The following KALRN variants were observed in gnomAD, a reference collection of about 807,000 sequenced individuals.
KALRN encodes kalirin RhoGEF kinase.
A neutral mutation model predicts 353.7 loss-of-function variants in KALRN; 70 were observed. The observed-to-expected ratio is 0.20, with a 90% confidence interval of 0.16 to 0.24. The LOEUF (loss-of-function observed/expected upper bound fraction) is 0.24, where lower values mean the gene tolerates loss of function less well. Among genes scored for constraint, KALRN ranks in the 10% least tolerant of loss-of-function variants. The probability of loss-of-function intolerance (pLI) is 1.00; values close to 1 mark genes in which losing one functional copy is unlikely to be tolerated. For synonymous variants in KALRN, 1,391 were observed against 1,434.8 expected (o/e 0.97, Z 0.69); for missense variants, 2,791 against 3,756.7 (o/e 0.74, Z 6.72).
At chr3:124,091,453 G>A (rs1036468521) in intron 1 of KALRN, among the ~76,000 whole-genome samples, 7 of 152,104 alleles carry the variant, frequency 4.6e-5, no homozygotes, top group Non-Finnish European at 8.8e-5. Context: ...TCCTCCCTCC[G>A]TGCTGCTTGC....
intron 5 of KALRN, among the ~76,000 whole-genome samples, chr3:124,286,297 C>T (rs1000351937): frequency 1.3e-5 from 2 of 149,646 alleles, no homozygotes; most frequent in African/African-American, 4.9e-5. Flanking sequence ...CTTCCCCTTC[C>T]TCTTCCCCTT....
intron 1 of KALRN, among the ~76,000 whole-genome samples, chr3:124,219,767 G>A (rs1371544205): frequency 6.6e-6 from 1 of 152,066 alleles, no homozygotes; most frequent in Non-Finnish European, 1.5e-5. Flanking sequence ...AAGACTGTGG[G>A]GGGTTGGCCC....
At chr3:124,471,283 A>G (rs1226690395) in intron 25 of KALRN, among the ~76,000 whole-genome samples, 1 of 147,414 alleles carries the variant, frequency 6.8e-6, no homozygotes, top group East Asian at 2.0e-4. Context: ...TATTATTATT[A>G]TTATTATTAT....
intron 34 of KALRN, among the ~76,000 whole-genome samples, chr3:124,582,340 G>C (rs1428399330): frequency 6.6e-6 from 1 of 152,124 alleles, no homozygotes; most frequent in Non-Finnish European, 1.5e-5. Context: ...AATTTGAACT[G>C]TAATTTCTCT....
chr3:124,552,299 C>T (rs564848549), intron 33 of KALRN, among the ~76,000 whole-genome samples: 118 of 152,306 alleles, frequency 7.7e-4, no homozygotes, highest in African/African-American at 2.8e-3. Flanking sequence ...GTTCCCCTCT[C>T]AGGTGCTCCG....
intron 2 of KALRN, among the ~76,000 whole-genome samples, chr3:124,230,151 T>A (rs2078988860): frequency 6.6e-6 from 1 of 152,226 alleles, no homozygotes; most frequent in South Asian, 2.1e-4. Context: ...CCCACAGCCC[T>A]CTGGGAGCCC....
At position 124,387,452 on chromosome 3, in the gene KALRN, A is replaced by G. The variant is rs72978453; in HGVS notation, c.1962+2416A>G. Among the ~76,000 whole-genome samples the G allele has an allele frequency of 3.1e-3, 479 of 152,358 alleles. 3 individuals are homozygous for G. The highest frequency in any genetic ancestry group is 0.011 in the African/African-American group (468 of 41,590). On this transcript the variant is annotated intron_variant, in intron 11 of 59. Transcript: ENST00000682506. ...GTTTTTTAAAATTCCAGTTTTACAAATGGGAAAACCAAAGTTCAGAAAAAT... is the reference window on the plus strand; with the variant it reads ...GTTTTTTAAAATTCCAGTTTTACAAGTGGGAAAACCAAAGTTCAGAAAAAT...
chr3:124,146,647 G>A (rs1346282794), intron 1 of KALRN, among the ~76,000 whole-genome samples: 1 of 152,076 alleles, frequency 6.6e-6, no homozygotes, highest in Non-Finnish European at 1.5e-5. Context: ...GGAGGCCGAG[G>A]CAGGCAGATC....
intron 33 of KALRN, among the ~76,000 whole-genome samples, chr3:124,550,541 A>G (rs569320820): frequency 2.6e-5 from 4 of 152,204 alleles, no homozygotes; most frequent in African/African-American, 4.8e-5. Context: ...CCAGTGTAGT[A>G]TGAGTCTCTT....
chr3:124,313,050 C>T (rs528361732), intron 6 of KALRN, among the ~76,000 whole-genome samples: 53 of 152,170 alleles, frequency 3.5e-4, no homozygotes, highest in African/African-American at 1.2e-3. Flanking sequence ...TTGAGGGAGC[C>T]CAATAAGGCA....
chr3:124,276,952 CGCATGCACACACACATGTGT>C (rs2074798231), intron 5 of KALRN, among the ~76,000 whole-genome samples: 1 of 152,194 alleles, frequency 6.6e-6, no homozygotes, highest in African/African-American at 2.4e-5. Context: ...CACACATGTG[CGCATGCACACACACATGTGT>C]GCACACGTGC....
intron 8 of KALRN, among the ~76,000 whole-genome samples, chr3:124,332,899 T>A (rs919265011): frequency 6.6e-6 from 1 of 152,082 alleles, no homozygotes; most frequent in African/African-American, 2.4e-5. Flanking sequence ...ATGATGATGA[T>A]GATGGTTGTA....
intron 11 of KALRN, among the ~76,000 whole-genome samples, chr3:124,392,877 G>A (rs1037936288): frequency 2.0e-5 from 3 of 151,412 alleles, no homozygotes; most frequent in Admixed American, 6.6e-5. Flanking sequence ...ATGCTGGTGC[G>A]CTGCACCCAC....
chr3:124,279,857 G>T lies in KALRN; in HGVS notation c.969+10602G>T, dbSNP rs902302604. 2.0e-5 allele frequency among the ~76,000 whole-genome samples: 3 copies of T among 152,244 alleles called. No individual in the cohort carries two copies. The South Asian group carries it at 6.2e-4, about 32-fold the overall frequency. The stretch of plus-strand genomic sequence containing the variant: ...TGTCTATTAGTGCTATGGGAGCATA[G>T]ATGGAGAAATGTTTAGCCAGGGTTT... On this transcript the variant is annotated intron_variant, in intron 5 of 59. Coordinates refer to ENST00000682506, the MANE Select transcript of KALRN (RefSeq NM_001388419.1).
intron 34 of KALRN, among the ~76,000 whole-genome samples, chr3:124,584,013 T>A (rs1413893924): frequency 2.0e-5 from 3 of 152,012 alleles, no homozygotes; most frequent in African/African-American, 7.2e-5. Flanking sequence ...TTAAAGAAAA[T>A]TTTTTAAAGA....
At chr3:124,220,998 T>G (rs1306986804) in intron 1 of KALRN, among the ~76,000 whole-genome samples, 2 of 152,192 alleles carry the variant, frequency 1.3e-5, no homozygotes, top group Non-Finnish European at 2.9e-5. Flanking sequence ...GCTCTGCCCC[T>G]TGCTGTATGT....
intron 1 of KALRN, among the ~76,000 whole-genome samples, chr3:124,156,105 A>G (rs2068946374): frequency 6.6e-6 from 1 of 152,160 alleles, no homozygotes; most frequent in South Asian, 2.1e-4. Context: ...GCTTCCTTCC[A>G]TCAGCCAGAT....
intron 1 of KALRN, among the ~76,000 whole-genome samples, chr3:124,195,178 A>G (rs1424452894): frequency 3.3e-5 from 5 of 152,150 alleles, no homozygotes; most frequent in Non-Finnish European, 7.3e-5. Flanking sequence ...AGACATTTTT[A>G]CTATAGCCCC....
At chr3:124,071,342 A>G (rs537348895) in intron 1 of KALRN, among the ~76,000 whole-genome samples, 26 of 152,322 alleles carry the variant, frequency 1.7e-4, no homozygotes, top group African/African-American at 6.3e-4. Context: ...ACTCCCGTTT[A>G]TAGCGCGAAA....
Sources: gnomAD v4.1 joint callset for allele counts (sites outside exome capture counted in the v4.1 genomes callset) on GRCh38, gnomAD v4.1.1 for gene constraint, MANE v1.5 for transcripts, NCBI Gene and HGNC (gene_info 2026-07-23, HGNC 2026-07-21) for gene names.